EYS: variants seen among roughly 807,000 people sequenced by gnomAD.
The protein encoded by EYS is EGF-like photoreceptor maintenance factor, also known as protein eyes shut homolog.
EYS carries 250 observed loss-of-function variants against 282.1 expected under a neutral mutation model. The observed-to-expected ratio is 0.89, with a 90% CI of 0.80 to 0.98. The LOEUF (loss-of-function observed/expected upper bound fraction) is 0.98, where lower values mean the gene tolerates loss of function less well. Ranked by LOEUF, EYS falls within the 50% of genes least tolerant of loss-of-function variation. The pLI is 0.00. For missense variants in EYS, 4,016 were observed against 3,709.0 expected (o/e 1.08, Z -2.15); for synonymous variants, 1,355 against 1,282.9 (o/e 1.06, Z -1.20).
intron 10 of EYS, among the ~76,000 whole-genome samples, chr6:65,341,481 TATTTGACAGATCTA>T (rs1274432558): frequency 6.6e-6 from 1 of 151,238 alleles, no homozygotes; most frequent in East Asian, 1.9e-4. Context: ...CAAGATTATT[TATTTGACAGATCTA>T]ATAGAACAAA....
At chr6:65,030,071 A>C (rs966563174) in intron 13 of EYS, among the ~76,000 whole-genome samples, 4 of 152,206 alleles carry the variant, frequency 2.6e-5, no homozygotes, top group African/African-American at 9.6e-5. Context: ...GTTTGGCTCA[A>C]GAACAGCTGG....
intron 36 of EYS, among the ~76,000 whole-genome samples, chr6:63,824,074 T>A (rs1325958118): frequency 2.0e-5 from 3 of 152,200 alleles, no homozygotes; most frequent in African/African-American, 7.2e-5. Flanking sequence ...AGATTGGAGT[T>A]GGAAATAAAG....
chr6:65,613,127 G>A (rs1318558569), intron 2 of EYS, among the ~76,000 whole-genome samples: 4 of 151,710 alleles, frequency 2.6e-5, no homozygotes, highest in African/African-American at 4.8e-5. Flanking sequence ...AGATATACAC[G>A]TCTGTCTTAT....
chr6:63,859,763 T>A (rs1353804580), intron 36 of EYS, among the ~76,000 whole-genome samples: 1 of 152,090 alleles, frequency 6.6e-6, no homozygotes, highest in African/African-American at 2.4e-5. Flanking sequence ...AAACTTCCCA[T>A]CTGCAGTGTT....
chr6:64,775,597 ATGT>A (rs1773655143), intron 22 of EYS, among the ~76,000 whole-genome samples: 1 of 152,046 alleles, frequency 6.6e-6, no homozygotes, highest in South Asian at 2.1e-4. Flanking sequence ...TCTGTCATAC[ATGT>A]TCTCCAAATA....
intron 12 of EYS, among the ~76,000 whole-genome samples, chr6:65,264,200 G>T (rs749382868): frequency 6.6e-6 from 1 of 152,006 alleles, no homozygotes; most frequent in Non-Finnish European, 1.5e-5. Context: ...CCAATTTAAA[G>T]TTATTTACCA....
intron 2 of EYS, among the ~76,000 whole-genome samples, chr6:65,637,595 A>C (rs1296738671): frequency 6.6e-6 from 1 of 152,174 alleles, no homozygotes; most frequent in Admixed American, 6.5e-5. Context: ...GGGCCCAGGA[A>C]GCTACTTGCC....
At chr6:64,161,684 ATTAT>A (rs1285171273) in intron 31 of EYS, among the ~76,000 whole-genome samples, 2 of 152,330 alleles carry the variant, frequency 1.3e-5, no homozygotes, top group East Asian at 3.9e-4. Flanking sequence ...AAAATGAACA[ATTAT>A]TTAAAGAATG....
chr6:64,060,272 A>G (rs1444823915), intron 33 of EYS, among the ~76,000 whole-genome samples: 2 of 152,126 alleles, frequency 1.3e-5, no homozygotes, highest in Admixed American at 6.6e-5. Context: ...AATTATAGAT[A>G]ATAGAGTATG....
At chr6:65,570,457 C>T (rs902356857) in intron 2 of EYS, among the ~76,000 whole-genome samples, 4 of 152,034 alleles carry the variant, frequency 2.6e-5, no homozygotes, top group African/African-American at 4.8e-5. Flanking sequence ...GCCATTTTTC[C>T]CCTCAAAATT....
At chr6:64,196,209 A>G (rs1290440149) in intron 31 of EYS, among the ~76,000 whole-genome samples, 1 of 152,238 alleles carries the variant, frequency 6.6e-6, no homozygotes, top group Non-Finnish European at 1.5e-5. Context: ...ATCTCACACC[A>G]GTTAGAATGG....
intron 12 of EYS, among the ~76,000 whole-genome samples, chr6:65,114,005 A>T (rs16880346): frequency 6.6e-6 from 1 of 151,814 alleles, no homozygotes; most frequent in Non-Finnish European, 1.5e-5. Flanking sequence ...TTGGTCTCCT[A>T]CATAGAACTG....
At chr6:64,626,783 G>A (rs1767623010) in intron 22 of EYS, among the ~76,000 whole-genome samples, 3 of 152,098 alleles carry the variant, frequency 2.0e-5, no homozygotes, top group East Asian at 3.9e-4. Flanking sequence ...TTAAGCTAAC[G>A]AGTTTGTGGT....
At chr6:64,986,256 G>T (rs1019222294) in intron 14 of EYS, among the ~76,000 whole-genome samples, 1 of 151,416 alleles carries the variant, frequency 6.6e-6, no homozygotes, top group African/African-American at 2.4e-5. Context: ...AAGAAATCTT[G>T]TTTCATTTCC....
intron 12 of EYS, among the ~76,000 whole-genome samples, chr6:65,232,323 C>T (rs1190574095): frequency 1.3e-5 from 2 of 152,022 alleles, no homozygotes; most frequent in East Asian, 1.9e-4. Context: ...CATCAAATCA[C>T]GCATGTGGTA....
intron 36 of EYS, among the ~76,000 whole-genome samples, chr6:63,829,103 G>A (rs980796055): frequency 6.6e-6 from 1 of 152,142 alleles, no homozygotes; most frequent in African/African-American, 2.4e-5. Context: ...AACAATGAGT[G>A]GCGGAGGTTC....
intron 31 of EYS, among the ~76,000 whole-genome samples, chr6:64,167,271 A>G (rs993713477): frequency 6.6e-6 from 1 of 152,232 alleles, no homozygotes; most frequent in Non-Finnish European, 1.5e-5. Context: ...ATTAAATTAT[A>G]CATCAATGTG....
chr6:65,015,913 C>T (rs1013406401), intron 13 of EYS, among the ~76,000 whole-genome samples: 11 of 142,682 alleles, frequency 7.7e-5, no homozygotes, highest in South Asian at 2.3e-4. Flanking sequence ...GGCATGGTAG[C>T]GCACCCATGT....
chr6:63,938,957 CAAGACT>C (rs1765153576), intron 35 of EYS, among the ~76,000 whole-genome samples: 1 of 152,130 alleles, frequency 6.6e-6, no homozygotes, highest in Non-Finnish European at 1.5e-5. Flanking sequence ...TGGAAGCTCA[CAAGACT>C]TAGCAAGAAA....
Sources: gnomAD v4.1 joint callset for allele counts (sites outside exome capture counted in the v4.1 genomes callset) on GRCh38, gnomAD v4.1.1 for gene constraint, MANE v1.5 for transcripts, NCBI Gene and HGNC (gene_info 2026-07-23, HGNC 2026-07-21) for gene names.